NAV2: variants seen among roughly 807,000 people sequenced by gnomAD.
NAV2 encodes the protein neuron navigator 2.
A neutral mutation model predicts 223.2 loss-of-function variants in NAV2; 54 were observed. The observed-to-expected ratio is 0.24, with a 90% CI of 0.19 to 0.30. NAV2 has a LOEUF of 0.30. NAV2 is among the 10% of genes least tolerant of loss of function. The pLI is 1.00. For missense variants in NAV2, 2,806 were observed against 3,147.5 expected (o/e 0.89, Z 2.60); for synonymous variants, 1,279 against 1,239.3 (o/e 1.03, Z -0.67).
chr11:19,860,889 G>C (rs1277716075), intron 3 of NAV2, among the ~76,000 whole-genome samples: 1 of 152,074 alleles, frequency 6.6e-6, no homozygotes, highest in Non-Finnish European at 1.5e-5. Flanking sequence ...AAACCAGTCA[G>C]GCGTGGCGGC....
chr11:19,488,527 GT>G (rs2042522069), intron 1 of NAV2, among the ~76,000 whole-genome samples: 1 of 152,178 alleles, frequency 6.6e-6, no homozygotes. Flanking sequence ...ATGGCCTTGG[GT>G]TAGCATCTCA....
intron 1 of NAV2, among the ~76,000 whole-genome samples, chr11:19,606,404 G>T (rs534598124): frequency 2.2e-4 from 33 of 152,296 alleles, no homozygotes; most frequent in South Asian, 1.0e-3. Context: ...CTTGCCCCAG[G>T]TGTTAAAGCT....
At position 20,071,198 on chromosome 11, in the gene NAV2, T is replaced by A. The variant is rs902478231; in HGVS notation, c.4983+2800T>A. 1.8e-4 allele frequency among the ~76,000 whole-genome samples: 27 copies of A among 147,406 alleles called. 1 individual carries two copies. Among genetic ancestry groups the A allele is most frequent in the African/African-American group, 7.5e-5 (3 of 40,142 alleles). ...TCATTGTTCAACTCCCACTTATGAA[T>A]GAGAACATCCAGTGTTTGGTTTTTG... On this transcript the variant is annotated intron_variant, in intron 22 of 37. Transcript: ENST00000349880.
At chr11:19,818,157 G>A (rs1267499502) in intron 1 of NAV2, among the ~76,000 whole-genome samples, 1 of 151,084 alleles carries the variant, frequency 6.6e-6, no homozygotes, top group East Asian at 1.9e-4. Context: ...TTTCCAGTTT[G>A]GGGGAGGGGT....
rs145109859 is a variant in NAV2 at position 19,978,232 on chromosome 11, C to T, written c.2646-5893C>T. 1.9e-4 allele frequency among the ~76,000 whole-genome samples: 29 copies of T among 152,070 alleles called. 1 individual carries two copies. In the East Asian group the frequency reaches 4.8e-3, roughly 25 times the overall value. ...TTGATTCATCTGTCTTCTCAGAGGC[C>T]CTAAACTAAAGGGATTCTTTTCCAG... On this transcript the variant is annotated intron_variant, in intron 10 of 37. Coordinates refer to ENST00000349880, the MANE Select transcript of NAV2 (RefSeq NM_145117.5).
chr11:19,364,373 A>G (rs1279866119), intron 1 of NAV2, among the ~76,000 whole-genome samples: 2 of 152,040 alleles, frequency 1.3e-5, no homozygotes, highest in African/African-American at 4.8e-5. Flanking sequence ...CATTGCTACC[A>G]CCCCAGGAAA....
intron 3 of NAV2, among the ~76,000 whole-genome samples, chr11:19,858,140 G>A (rs1024467096): frequency 2.6e-5 from 4 of 152,240 alleles, no homozygotes; most frequent in African/African-American, 9.6e-5. Context: ...AAAGGCGTGA[G>A]CCACCACGCC....
At chr11:20,031,306 G>T (rs755025261) in intron 11 of NAV2, among the ~76,000 whole-genome samples, 1 of 152,124 alleles carries the variant, frequency 6.6e-6, no homozygotes, top group African/African-American at 2.4e-5. Flanking sequence ...TTTATTGCCC[G>T]ATTTGGGTCA....
At chr11:19,564,983 A>G (rs187370149) in intron 1 of NAV2, among the ~76,000 whole-genome samples, 163 of 152,302 alleles carry the variant, frequency 1.1e-3, no homozygotes, top group Non-Finnish European at 1.8e-3. Flanking sequence ...AAAAAATACA[A>G]AGATAGCCAG....
chr11:19,582,824 G>A (rs1199910163), intron 1 of NAV2, among the ~76,000 whole-genome samples: 1 of 152,070 alleles, frequency 6.6e-6, no homozygotes. Context: ...TGTTCTTTTG[G>A]CTTAGGATTG....
intron 1 of NAV2, among the ~76,000 whole-genome samples, chr11:19,407,303 C>T (rs1465980145): frequency 6.6e-6 from 1 of 152,206 alleles, no homozygotes; most frequent in East Asian, 1.9e-4. Flanking sequence ...CACAGCTAAA[C>T]AGAGCCGTGC....
At chr11:19,827,345 G>A (rs1186650413) in intron 1 of NAV2, among the ~76,000 whole-genome samples, 2 of 152,186 alleles carry the variant, frequency 1.3e-5, no homozygotes, top group African/African-American at 4.8e-5. Flanking sequence ...TAGCACGAAA[G>A]CAACCAGAGA....
intron 1 of NAV2, among the ~76,000 whole-genome samples, chr11:19,413,382 A>T (rs553756450): frequency 1.3e-5 from 2 of 152,204 alleles, no homozygotes; most frequent in Non-Finnish European, 2.9e-5. Context: ...AGAAAAAAGA[A>T]TGAAAAGGAA....
In NAV2 at chr11:19,720,561, G is replaced by C. The variant is rs76351874; in HGVS notation, c.267+6599G>C. ...GTGGGACAGAGGATAGGGTAGAAAT[G>C]GGGTCTTAGTCAAGATAATTGTGAT... On this transcript the variant is annotated intron_variant, in intron 1 of 37. Transcript: ENST00000349880. Among the ~76,000 whole-genome samples the C allele has an allele frequency of 4.1e-3, 621 of 152,308 alleles. 27 individuals carry two copies. The East Asian group carries it at 0.077, about 19-fold the overall frequency.
intron 22 of NAV2, among the ~76,000 whole-genome samples, chr11:20,072,953 C>G (rs1293442198): frequency 6.6e-6 from 1 of 152,122 alleles, no homozygotes; most frequent in Non-Finnish European, 1.5e-5. Flanking sequence ...ATTGCCCTGG[C>G]CAGAACTTCC....
At position 19,957,566 on chromosome 11, in the gene NAV2, A is replaced by T. The variant is rs140159329; in HGVS notation, c.2645+8486A>T. Among the ~76,000 whole-genome samples, 340 of 152,298 alleles carry T rather than the reference A, an allele frequency of 2.2e-3. 3 individuals are homozygous for T. The highest frequency in any genetic ancestry group is 7.6e-3 in the African/African-American group (314 of 41,554). The stretch of plus-strand genomic sequence containing the variant: ...CTGATGGCTGGGGCAGCATAAACTG[A>T]ACACCTCTTCTCCCTCCACGGTGGA... On this transcript the variant is annotated intron_variant, in intron 10 of 37. Coordinates refer to ENST00000349880, the MANE Select transcript of NAV2 (RefSeq NM_145117.5).
intron 19 of NAV2, among the ~76,000 whole-genome samples, chr11:20,057,907 A>G (rs2058463522): frequency 6.6e-6 from 1 of 152,206 alleles, no homozygotes; most frequent in South Asian, 2.1e-4. Context: ...CAGTGTCTAG[A>G]CTTTTGTAAA....
chr11:19,351,468 C>G lies in NAV2; in HGVS notation c.75+441C>G, dbSNP rs541822926. 1.8e-4 allele frequency among the ~76,000 whole-genome samples: 28 copies of G among 152,282 alleles called. 1 individual carries two copies. In the South Asian group the frequency reaches 2.9e-3, roughly 16 times the overall value. ...TGTGTTTATGGATCAAAAACATATTCTACTGCACTCTTTGGCCCTATCTGT... is the reference window on the plus strand; with the variant it reads ...TGTGTTTATGGATCAAAAACATATTGTACTGCACTCTTTGGCCCTATCTGT... On this transcript the variant is annotated intron_variant, in intron 1 of 37. Transcript: ENST00000360655.
At chr11:19,967,073 A>G (rs1369582995) in intron 10 of NAV2, among the ~76,000 whole-genome samples, 1 of 152,298 alleles carries the variant, frequency 6.6e-6, no homozygotes, top group African/African-American at 2.4e-5. Context: ...TGGAAGGCCT[A>G]TAACATGTGA....
Sources: allele counts gnomAD v4.1 joint callset (sites outside exome capture counted in the v4.1 genomes callset), GRCh38; gene constraint gnomAD v4.1.1; transcripts MANE v1.5; gene names NCBI Gene and HGNC (gene_info 2026-07-23, HGNC 2026-07-21).